Variants in CYP2C19 observed in about 807,000 individuals in gnomAD.
CYP2C19 encodes cytochrome P450 family 2 subfamily C member 19, also known as cytochrome P450 2C19.
CYP2C19 carries 59 observed loss-of-function variants against 40.9 expected under a neutral mutation model. The ratio of observed to expected loss-of-function variants is 1.44; its 90% confidence interval spans 1.17 to 1.79. CYP2C19 has a LOEUF of 1.79. Among genes scored for constraint, CYP2C19 ranks in the 40% most tolerant of loss-of-function variants. The pLI is 0.00. For missense variants in CYP2C19, 754 were observed against 596.9 expected, an observed-to-expected ratio of 1.26 and a Z score of -2.74; for synonymous variants, 253 against 208.7, an observed-to-expected ratio of 1.21 and a Z score of -1.83.
Position 94,824,815 on chromosome 10 carries a change from C to A in CYP2C19, c.961+4178C>A, listed in dbSNP as rs866807660. 4.8e-4 allele frequency among the ~76,000 whole-genome samples: 57 copies of A among 118,266 alleles called. 1 individual carries two copies. Among genetic ancestry groups the A allele is most frequent in the Admixed American group, 2.2e-3 (21 of 9,758 alleles). 77.6% of individuals were successfully genotyped at this position (118,266 alleles called of 152,430 possible). A position where few individuals can be genotyped will look rare whatever the true frequency, so the allele number is the denominator to read the frequency against. On this transcript the variant is annotated intron_variant, in intron 6 of 8. Coordinates refer to ENST00000371321, the MANE Select transcript of CYP2C19 (RefSeq NM_000769.4). ...ATGCTATCCCTCCCCCCTCCCCCCA[C>A]CCCACATCAGTCCCCAGAGTGTGAT...
intron 1 of CYP2C19, among the ~76,000 whole-genome samples, chr10:94,771,691 T>C (rs1446001759): frequency 6.6e-6 from 1 of 152,156 alleles, no homozygotes; most frequent in East Asian, 1.9e-4. Flanking sequence ...GGTTTTGGTT[T>C]GTTTGTTTCT....
intron 5 of CYP2C19, among the ~76,000 whole-genome samples, chr10:94,816,260 A>C (rs1490533733): frequency 5.5e-5 from 8 of 144,660 alleles, no homozygotes; most frequent in South Asian, 4.4e-4. Flanking sequence ...TTTTTTCTTT[A>C]TTTTTATTTT....
intron 5 of CYP2C19, among the ~76,000 whole-genome samples, chr10:94,791,058 C>G (rs1848599131): frequency 6.6e-6 from 1 of 152,058 alleles, no homozygotes; most frequent in Non-Finnish European, 1.5e-5. Flanking sequence ...TGTTATTGGT[C>G]TATTCAGAGA....
At chr10:94,848,627 G>C (rs535309961) in intron 7 of CYP2C19, among the ~76,000 whole-genome samples, 1 of 152,184 alleles carries the variant, frequency 6.6e-6, no homozygotes, top group African/African-American at 2.4e-5. Flanking sequence ...GTCATTGGTA[G>C]CTTGATGGGG....
At chr10:94,775,355 G>A in intron 2 of CYP2C19, 35 bp from the exon 3 acceptor site, 1 of 1,612,862 alleles carries the variant, frequency 6.2e-7, no homozygotes, top group South Asian at 1.1e-5. Flanking sequence ...TCTTGCCTGG[G>A]ATCTCCCTCC....
At chr10:94,835,451 T>A (rs1325698494) in intron 6 of CYP2C19, among the ~76,000 whole-genome samples, 1 of 152,236 alleles carries the variant, frequency 6.6e-6, no homozygotes, top group Non-Finnish European at 1.5e-5. Context: ...TTTCTCCTGC[T>A]GAGTATTGGG....
intron 5 of CYP2C19, among the ~76,000 whole-genome samples, chr10:94,787,723 A>G (rs944540400): frequency 2.2e-4 from 34 of 152,130 alleles, no homozygotes; most frequent in African/African-American, 8.0e-4. Flanking sequence ...CTAGCCAGTT[A>G]TCCTAGTTCA....
At chr10:94,829,394 C>T (rs1471992030) in intron 6 of CYP2C19, among the ~76,000 whole-genome samples, 2 of 152,138 alleles carry the variant, frequency 1.3e-5, no homozygotes, top group African/African-American at 2.4e-5. Context: ...AACTTCCCTT[C>T]TCGCTACATT....
At chr10:94,820,860 G>A (rs1849108612) in intron 6 of CYP2C19, among the ~76,000 whole-genome samples, 1 of 152,182 alleles carries the variant, frequency 6.6e-6, no homozygotes, top group South Asian at 2.1e-4. Context: ...CTAGGTGGGT[G>A]GACCATTGAG....
intron 5 of CYP2C19, among the ~76,000 whole-genome samples, chr10:94,817,198 G>A (rs1298483776): frequency 1.4e-5 from 2 of 146,516 alleles, no homozygotes; most frequent in African/African-American, 2.5e-5. Flanking sequence ...CCCACCAACA[G>A]TGTAAAAGTG....
At chr10:94,778,032 T>C (rs535856460) in intron 3 of CYP2C19, among the ~76,000 whole-genome samples, 2 of 152,306 alleles carry the variant, frequency 1.3e-5, no homozygotes, top group East Asian at 1.9e-4. Flanking sequence ...AGTACTCATA[T>C]ACAGGTATGA....
At chr10:94,813,971 G>A (rs1415388131) in intron 5 of CYP2C19, among the ~76,000 whole-genome samples, 1 of 150,446 alleles carries the variant, frequency 6.6e-6, no homozygotes, top group Non-Finnish European at 1.5e-5. Flanking sequence ...AAAAACTGCA[G>A]TATTTGGGCC....
intron 6 of CYP2C19, among the ~76,000 whole-genome samples, chr10:94,830,528 C>A (rs562184211): frequency 1.6e-4 from 25 of 152,126 alleles, no homozygotes; most frequent in Non-Finnish European, 3.4e-4. Context: ...GCAGGGTGCA[C>A]GCACCCACTG....
intron 6 of CYP2C19, 48 bp from the exon 7 acceptor site, chr10:94,842,789 T>C (rs1473105534): frequency 6.3e-6 from 10 of 1,592,012 alleles, no homozygotes; most frequent in South Asian, 2.2e-5. Context: ...CTAGAACAAA[T>C]GTTCCATTTC....
chr10:94,851,110 T>C (rs1270959526), intron 8 of CYP2C19, among the ~76,000 whole-genome samples: 1 of 152,098 alleles, frequency 6.6e-6, no homozygotes, highest in Non-Finnish European at 1.5e-5. Context: ...CTGGGTAATT[T>C]ATGAAGAAAA....
intron 6 of CYP2C19, among the ~76,000 whole-genome samples, chr10:94,831,915 C>T (rs1277214948): frequency 6.6e-6 from 1 of 151,950 alleles, no homozygotes; most frequent in African/African-American, 2.4e-5. Flanking sequence ...TGATATGATC[C>T]CATTTGTCCA....
chr10:94,820,048 A>C (rs865881749), intron 5 of CYP2C19, among the ~76,000 whole-genome samples: 4 of 149,220 alleles, frequency 2.7e-5, no homozygotes, highest in South Asian at 2.1e-4. Context: ...CACCATGATC[A>C]AGTGGGCTTC....
intron 5 of CYP2C19, among the ~76,000 whole-genome samples, chr10:94,784,268 G>C (rs1363216070): frequency 1.3e-5 from 2 of 151,916 alleles, no homozygotes; most frequent in African/African-American, 4.8e-5. Context: ...TATTTTCTAT[G>C]CACATTTATC....
intron 6 of CYP2C19, among the ~76,000 whole-genome samples, chr10:94,828,141 T>G (rs1273556797): frequency 1.3e-5 from 2 of 152,254 alleles, no homozygotes; most frequent in Admixed American, 1.3e-4. Flanking sequence ...TATATTCTGT[T>G]GATTTGGGGT....
Sources: gnomAD v4.1 joint callset for allele counts (sites outside exome capture counted in the v4.1 genomes callset) on GRCh38, gnomAD v4.1.1 for gene constraint, MANE v1.5 for transcripts, NCBI Gene and HGNC (gene_info 2026-07-23, HGNC 2026-07-21) for gene names.